Variants in EDIL3 observed in about 807,000 individuals in gnomAD.
EDIL3 encodes the protein EGF-like repeat and discoidin I-like domain-containing protein 3.
A neutral mutation model predicts 67.4 loss-of-function variants in EDIL3; 37 were observed. The ratio of observed to expected loss-of-function variants is 0.55; its 90% CI spans 0.42 to 0.72. The LOEUF (loss-of-function observed/expected upper bound fraction) is 0.72, where lower values mean the gene tolerates loss of function less well. Ranked by LOEUF, EDIL3 falls within the 30% of genes least tolerant of loss-of-function variation. The probability of loss-of-function intolerance (pLI) is 0.00; values close to 1 mark genes in which losing one functional copy is unlikely to be tolerated. For synonymous variants in EDIL3, 195 were observed against 196.3 expected (o/e 0.99, Z 0.05); for missense variants, 527 against 586.3 (o/e 0.90, Z 1.04).
chr5:84,005,922 C>T (rs1482250530), intron 9 of EDIL3, among the ~76,000 whole-genome samples: 2 of 151,868 alleles, frequency 1.3e-5, no homozygotes, highest in African/African-American at 4.8e-5. Context: ...CTAGAATACT[C>T]CCAGAGTCTC....
intron 3 of EDIL3, among the ~76,000 whole-genome samples, chr5:84,204,801 A>AT (rs1189310015): frequency 3.8e-5 from 4 of 105,238 alleles, no homozygotes; most frequent in African/African-American, 1.6e-4. Context: ...CAAGGCCAAT[A>AT]TTTAAAAAAA....
intron 8 of EDIL3, 30 bp downstream of exon 8, chr5:84,064,670 G>A (rs1035576386): frequency 3.3e-5 from 52 of 1,592,732 alleles, no homozygotes; most frequent in Non-Finnish European, 4.4e-5. Context: ...TCTTTAAATA[G>A]AATACAGAAA....
chr5:84,136,117 T>C (rs1748087828), intron 5 of EDIL3, among the ~76,000 whole-genome samples: 1 of 152,170 alleles, frequency 6.6e-6, no homozygotes. Flanking sequence ...TTCATGTTTA[T>C]ATTATACCTC....
intron 1 of EDIL3, among the ~76,000 whole-genome samples, chr5:84,367,273 A>G (rs1303292550): frequency 1.3e-5 from 2 of 152,120 alleles, no homozygotes; most frequent in Non-Finnish European, 2.9e-5. Context: ...TTTAAATTTA[A>G]TGACTTTTTT....
At chr5:84,180,349 T>C in intron 4 of EDIL3, 44 bp downstream of exon 4, 2 of 1,536,026 alleles carry the variant, frequency 1.3e-6, no homozygotes, top group Non-Finnish European at 1.8e-6. Flanking sequence ...TTGTATACTT[T>C]GTAATCAATA....
At chr5:84,203,602 T>C (rs926032719) in intron 3 of EDIL3, among the ~76,000 whole-genome samples, 3 of 152,170 alleles carry the variant, frequency 2.0e-5, no homozygotes, top group Middle Eastern at 3.2e-3. Flanking sequence ...AATCCTGAAT[T>C]AGAATCAGCT....
At chr5:84,011,730 T>C (rs2112181057) in intron 9 of EDIL3, among the ~76,000 whole-genome samples, 1 of 152,290 alleles carries the variant, frequency 6.6e-6, no homozygotes, top group Admixed American at 6.6e-5. Flanking sequence ...TTATTCCTTC[T>C]TTAGGGTCTT....
intron 6 of EDIL3, among the ~76,000 whole-genome samples, chr5:84,078,264 C>T (rs1000710928): frequency 6.6e-6 from 1 of 151,912 alleles, no homozygotes; most frequent in Admixed American, 6.6e-5. Context: ...CCAGAGGAAT[C>T]GAATATTAAA....
chr5:84,072,789 T>A (rs1291083751), intron 6 of EDIL3, among the ~76,000 whole-genome samples: 3 of 151,694 alleles, frequency 2.0e-5, no homozygotes, highest in African/African-American at 7.3e-5. Context: ...TTGTAAAACA[T>A]AAGAACAAGA....
intron 5 of EDIL3, among the ~76,000 whole-genome samples, chr5:84,128,271 A>G (rs1747901263): frequency 6.6e-6 from 1 of 152,108 alleles, no homozygotes; most frequent in Admixed American, 6.6e-5. Flanking sequence ...TTGGTGAAAG[A>G]TCAGGAACCA....
At chr5:84,265,401 C>T (rs758860740) in intron 1 of EDIL3, among the ~76,000 whole-genome samples, 10 of 152,082 alleles carry the variant, frequency 6.6e-5, no homozygotes, top group South Asian at 2.1e-4. Flanking sequence ...TTGGCAAATA[C>T]AGAGACATCA....
chr5:84,162,914 C>G, intron 4 of EDIL3, among the ~76,000 whole-genome samples: 1 of 152,050 alleles, frequency 6.6e-6, no homozygotes, highest in East Asian at 1.9e-4. Flanking sequence ...TATATGACAT[C>G]ATCATAATAA....
intron 1 of EDIL3, among the ~76,000 whole-genome samples, chr5:84,337,367 A>C (rs1222602015): frequency 6.6e-6 from 1 of 152,140 alleles, no homozygotes; most frequent in Non-Finnish European, 1.5e-5. Context: ...GAAAGCGTGA[A>C]GAGAGGGAGT....
rs1299657872 is a variant in EDIL3, at chr5:84,106,802, A to G, written c.498T>C (p.Gly166=). 1 of 1,609,322 alleles carries G rather than the reference A, an allele frequency of 6.2e-7. No individual in the cohort carries two copies. Among genetic ancestry groups the G allele is most frequent in the Admixed American group, 1.7e-5 (1 of 58,892 alleles). Residue 166 remains glycine, a synonymous_variant, in exon 6 of 11, where the codon GGT becomes GGC. Coordinates refer to ENST00000296591, the MANE Select transcript of EDIL3 (RefSeq NM_005711.5). ...TGATTTGCTGGTTTGATATAATTCC[A>G]CCTTCAATTCCCAGTGGGCCTGAGC... The part of the protein sequence containing the change: ...YKCSGPLGIE[G]GIISNQQITA...
At chr5:84,194,750 A>C (rs907438312) in intron 3 of EDIL3, among the ~76,000 whole-genome samples, 1 of 151,926 alleles carries the variant, frequency 6.6e-6, no homozygotes, top group Admixed American at 6.6e-5. Flanking sequence ...TACATTAATC[A>C]CATGAATATA....
intron 9 of EDIL3, among the ~76,000 whole-genome samples, chr5:83,979,492 T>C (rs1744929009): frequency 6.6e-6 from 1 of 151,988 alleles, no homozygotes; most frequent in Non-Finnish European, 1.5e-5. Context: ...CAAATAATTA[T>C]GAAAAGTTAT....
At chr5:84,006,523 A>T (rs1745420512) in intron 9 of EDIL3, among the ~76,000 whole-genome samples, 1 of 152,164 alleles carries the variant, frequency 6.6e-6, no homozygotes, top group African/African-American at 2.4e-5. Context: ...CTAAACATTG[A>T]GTACACATGG....
chr5:84,208,057 T>G (rs1255282356), intron 3 of EDIL3, among the ~76,000 whole-genome samples: 2 of 146,914 alleles, frequency 1.4e-5, no homozygotes, highest in Non-Finnish European at 3.0e-5. Context: ...GGGATCTAAT[T>G]AAACTAAAGA....
intron 3 of EDIL3, among the ~76,000 whole-genome samples, chr5:84,217,764 A>C (rs951743431): frequency 5.7e-5 from 8 of 141,304 alleles, no homozygotes; most frequent in Admixed American, 5.0e-4. Flanking sequence ...ACACACACAC[A>C]TCCTTCTGGT....
Sources: allele counts gnomAD v4.1 joint callset (sites outside exome capture counted in the v4.1 genomes callset), GRCh38; gene constraint gnomAD v4.1.1; transcripts MANE v1.5; gene names NCBI Gene and HGNC (gene_info 2026-07-23, HGNC 2026-07-21).